The following CEP44 variants were observed in gnomAD, a reference collection of about 807,000 sequenced individuals.
CEP44 encodes the protein centrosomal protein of 44 kDa.
In CEP44, 45 loss-of-function variants were observed where a neutral mutation model predicts 46.7. The observed-to-expected ratio is 0.96, with a 90% CI of 0.76 to 1.24. CEP44 has a LOEUF of 1.24. Ranked by LOEUF, CEP44 falls within the 50% of genes most tolerant of loss-of-function variation. The pLI is 0.00. For missense variants in CEP44, 475 were observed against 459.7 expected (o/e 1.03, Z -0.30); for synonymous variants, 142 against 146.0 (o/e 0.97, Z 0.20).
At position 174,309,780 on chromosome 4, in the gene CEP44, T is replaced by A; in HGVS notation, c.679-70T>A. The A allele has an allele frequency of 9.5e-7, 1 of 1,050,086 alleles. No individual in the cohort carries two copies. Among genetic ancestry groups the A allele is most frequent in the Non-Finnish European group, 1.4e-6 (1 of 710,478 alleles). 65.0% of individuals were successfully genotyped at this position (1,050,086 alleles called of 1,614,324 possible). ...AACTGTTGAGATAACGCTGTGGAAG[T>A]GAGAATACATTAATTTTAAAGAAAT... On this transcript the variant is annotated intron_variant, in intron 7 of 11. Transcript: ENST00000503780. The surrounding 1 kb of genome is among the most constrained non-coding windows in gnomAD (Gnocchi z 5.3).
intron 8 of CEP44, among the ~76,000 whole-genome samples, chr4:174,327,963 T>A (rs1032692588): frequency 2.6e-5 from 4 of 152,164 alleles, no homozygotes; most frequent in African/African-American, 9.7e-5. Flanking sequence ...TTTATAACTT[T>A]GGGTGGGAAA....
rs1330611344 is a variant in CEP44, at chr4:174,331,512, T to A, written c.1117T>A (p.Cys373Ser). 3 of 1,551,552 alleles carry A rather than the reference T, an allele frequency of 1.9e-6. No individual in the cohort carries two copies. Among genetic ancestry groups the A allele is most frequent in the Admixed American group, 2.0e-5 (1 of 50,978 alleles). ...TCCTGCATGGAGTGCTACATCCTCT[T>A]GTTCCAGTCTCAGCTGGCTGCTCCG... Residue 373 changes from cysteine (C) to serine (S), a missense_variant, in exon 9 of 9, where the codon TGT becomes AGT. Transcript: ENST00000426172. This position sits in a 1 kb window ranked among gnomAD's most constrained non-coding sequence, Gnocchi z 4.5.
chr4:174,305,331 G>GT (rs1740260052), intron 6 of CEP44, among the ~76,000 whole-genome samples: 1 of 152,130 alleles, frequency 6.6e-6, no homozygotes, highest in South Asian at 2.1e-4. Context: ...GCTGGTGCCT[G>GT]TAACCCCAGC....
Position 174,331,661 on chromosome 4 carries a change from C to T in CEP44, c.*66C>T, listed in dbSNP as rs1731325903. On this transcript the variant is annotated 3_prime_UTR_variant, in exon 9 of 9. Transcript: ENST00000426172. The surrounding 1 kb of genome is among the most constrained non-coding windows in gnomAD (Gnocchi z 4.5). ...ACTCTGATGTTTCAGTGAAGCTCAT[C>T]CACGAAGTCCAGAATTCTGCCTGGA... is the stretch of plus-strand genomic sequence containing the variant. 4 of 1,505,038 alleles carry T rather than the reference C, an allele frequency of 2.7e-6. No homozygotes were observed. Among genetic ancestry groups the T allele is most frequent in the East Asian group, 2.5e-5 (1 of 40,188 alleles). The allele number at this position is 1,505,038 out of a possible 1,614,324, so 93.2% of individuals were successfully genotyped here. A position where few individuals can be genotyped will look rare whatever the true frequency, so the allele number is the denominator to read the frequency against.
chr4:174,306,942 A>G (rs1740479328), intron 6 of CEP44, among the ~76,000 whole-genome samples: 1 of 152,178 alleles, frequency 6.6e-6, no homozygotes, highest in African/African-American at 2.4e-5. Context: ...ACTATAAACC[A>G]TTGCTCAAAG....
rs535566492 is a variant in CEP44 at position 174,284,206 on chromosome 4, C to T, written c.-148+263C>T. ...GCGGAGGTCGCCTCTCTCCGCCGTC[C>T]TTACAGAGACCCCGGGCGGAGACGA... On this transcript the variant is annotated intron_variant, in intron 1 of 11. Transcript: ENST00000503780. 23 of 397,628 alleles carry T rather than the reference C, an allele frequency of 5.8e-5. 1 individual carries two copies. In the South Asian group the frequency reaches 2.7e-3, roughly 47 times the overall value. The allele number at this position is 397,628 out of a possible 1,614,324, so 24.6% of individuals were successfully genotyped here. A position where few individuals can be genotyped will look rare whatever the true frequency, so the allele number is the denominator to read the frequency against.
At position 174,317,758 on chromosome 4, in the gene CEP44, G is replaced by A; in HGVS notation, c.*375G>A. 1 of 987,862 alleles carries A rather than the reference G, an allele frequency of 1.0e-6. No homozygotes were observed. Among genetic ancestry groups the A allele is most frequent in the Non-Finnish European group, 1.2e-6 (1 of 831,492 alleles). The allele number at this position is 987,862 out of a possible 1,614,324, so 61.2% of individuals were successfully genotyped here. ...CATCCTGTTGGAAACATTCCAAATG[G>A]GACTTGTGTATTATACCCAGGAGGC... On this transcript the variant is annotated 3_prime_UTR_variant, in exon 12 of 12. Transcript: ENST00000503780.
rs1741897917 is a variant in CEP44 at position 174,317,739 on chromosome 4, G to T, written c.*356G>T. 3.0e-6 allele frequency: 3 copies of T among 989,560 alleles called. No homozygotes were observed. Among genetic ancestry groups the T allele is most frequent in the African/African-American group, 3.5e-5 (2 of 57,368 alleles). 61.3% of individuals were successfully genotyped at this position (989,560 alleles called of 1,614,324 possible). A position where few individuals can be genotyped will look rare whatever the true frequency, so the allele number is the denominator to read the frequency against. ...GCTTGAGGACTATGGTTTACATCCT[G>T]TTGGAAACATTCCAAATGGGACTTG... On this transcript the variant is annotated 3_prime_UTR_variant, in exon 12 of 12. Coordinates refer to ENST00000503780, the MANE Select transcript of CEP44 (RefSeq NM_001040157.3).
chr4:174,284,222 G>A (rs549164722), intron 1 of CEP44: 1 of 397,492 alleles, frequency 2.5e-6, no homozygotes, highest in South Asian at 1.4e-4. Context: ...GAGACCCCGG[G>A]CGGAGACGAA....
rs995500162 is a variant in CEP44, at chr4:174,297,037, G to T, written c.-147-929G>T. Among the ~76,000 whole-genome samples the T allele has an allele frequency of 1.3e-5, 2 of 151,508 alleles. No homozygotes were observed. The highest frequency in any genetic ancestry group is 2.9e-5 in the Non-Finnish European group (2 of 67,860). On this transcript the variant is annotated intron_variant, in intron 1 of 11. Coordinates refer to ENST00000503780, the MANE Select transcript of CEP44 (RefSeq NM_001040157.3). The surrounding 1 kb of genome is among the most constrained non-coding windows in gnomAD (Gnocchi z 4.3). ...GTCTGAGATTATTATAACTGTTCCT[G>T]CTTTCTTTTGATTAATGTTAGCATG...
At chr4:174,303,315 T>G (rs577017063) in intron 4 of CEP44, among the ~76,000 whole-genome samples, 1 of 152,264 alleles carries the variant, frequency 6.6e-6, no homozygotes, top group Non-Finnish European at 1.5e-5. Flanking sequence ...CCTACTGACG[T>G]ATCCAAAAAT....
chr4:174,328,755 T>C (rs1430302932), intron 8 of CEP44, among the ~76,000 whole-genome samples: 2 of 152,220 alleles, frequency 1.3e-5, no homozygotes, highest in African/African-American at 2.4e-5. Context: ...ATAAAAGATA[T>C]TGTTAATTTA....
Position 174,288,508 on chromosome 4 carries a change from C to T in CEP44, c.-148+4565C>T, listed in dbSNP as rs1444145024. Among the ~76,000 whole-genome samples, 1 of 152,124 alleles carries T rather than the reference C, an allele frequency of 6.6e-6. No homozygotes were observed. The highest frequency in any genetic ancestry group is 1.9e-4 in the East Asian group (1 of 5,196). ...ATTTGACTATTTTAGATTTCACATA[C>T]ATTGAGATAATACAGTATTTGTCTT... On this transcript the variant is annotated intron_variant, in intron 1 of 11. Transcript: ENST00000503780. The surrounding 1 kb of genome is among the most constrained non-coding windows in gnomAD (Gnocchi z 4.6).
At position 174,318,856 on chromosome 4, in the gene CEP44, C is replaced by CTGGA. The variant is rs1163448605; in HGVS notation, c.*1474_*1477dup. 1.9e-5 allele frequency: 8 copies of CTGGA among 426,018 alleles called. No homozygotes were observed. Among genetic ancestry groups the CTGGA allele is most frequent in the Non-Finnish European group, 2.2e-5 (7 of 321,052 alleles). 26.4% of individuals were successfully genotyped at this position (426,018 alleles called of 1,614,324 possible). A position where few individuals can be genotyped will look rare whatever the true frequency, so the allele number is the denominator to read the frequency against. On this transcript the variant is annotated 3_prime_UTR_variant, in exon 12 of 12. Transcript: ENST00000503780. ...ACAGGGTCTCACTCTATTGCCCAGGCTGGAGTGCACTGGCGTGATCTCGGC... is the reference window on the plus strand; with the variant it reads ...ACAGGGTCTCACTCTATTGCCCAGGCTGGATGGAGTGCACTGGCGTGATCTCGGC...
intron 9 of CEP44, 120 bp from the exon 10 acceptor site, chr4:174,316,046 T>A: frequency 1.6e-6 from 2 of 1,216,762 alleles, no homozygotes; most frequent in Non-Finnish European, 2.3e-6. Flanking sequence ...CTCTTTGATC[T>A]ATGCGGATAG....
At chr4:174,308,230 T>C (rs1238050018) in intron 6 of CEP44, among the ~76,000 whole-genome samples, 1 of 152,146 alleles carries the variant, frequency 6.6e-6, no homozygotes, top group Non-Finnish European at 1.5e-5. Context: ...TCAACCTAAA[T>C]GCCCATCAAT....
intron 6 of CEP44, 132 bp downstream of exon 6, chr4:174,304,501 T>C (rs753020551): frequency 1.5e-5 from 18 of 1,212,632 alleles, no homozygotes; most frequent in Non-Finnish European, 1.9e-5. Context: ...TTTTTAACAG[T>C]GCATGCCATA....
downstream of CEP44, among the ~76,000 whole-genome samples, chr4:174,323,821 A>T (rs144351804): frequency 2.8e-3 from 423 of 152,146 alleles, 4 homozygotes; most frequent in African/African-American, 9.6e-3. Flanking sequence ...AGGCCATTGG[A>T]GGCTCAGTGG....
downstream of CEP44, among the ~76,000 whole-genome samples, chr4:174,322,727 T>G (rs925038143): frequency 6.6e-6 from 1 of 152,204 alleles, no homozygotes; most frequent in Non-Finnish European, 1.5e-5. Context: ...TCCCCCATAT[T>G]ATGATAGAAT....
Sources: allele counts gnomAD v4.1 joint callset (sites outside exome capture counted in the v4.1 genomes callset), GRCh38; gene constraint gnomAD v4.1.1; non-coding constraint Gnocchi (gnomAD v3.1); transcripts MANE v1.5; gene names NCBI Gene and HGNC (gene_info 2026-07-23, HGNC 2026-07-21).